The following WDR75 variants were observed in gnomAD, a reference collection of about 807,000 sequenced individuals.
WDR75 encodes the protein WD repeat domain 75.
A neutral mutation model predicts 106.1 loss-of-function variants in WDR75; 52 were observed. That is an observed-to-expected ratio of 0.49 (90% CI 0.39 to 0.62). WDR75 has a LOEUF of 0.62. WDR75 is among the 20% of genes least tolerant of loss of function. The pLI, the probability that WDR75 is intolerant of heterozygous loss-of-function variation, is 0.00. For missense variants in WDR75, 905 were observed against 970.3 expected (o/e 0.93, Z 0.89); for synonymous variants, 333 against 335.5 (o/e 0.99, Z 0.08).
chr2:189,446,451 C>G (rs1686501902), intron 1 of WDR75, among the ~76,000 whole-genome samples: 1 of 152,198 alleles, frequency 6.6e-6, no homozygotes. Context: ...TTATATATCG[C>G]AAATGCTTTG....
intron 18 of WDR75, among the ~76,000 whole-genome samples, chr2:189,473,417 G>C (rs995096033): frequency 1.3e-5 from 2 of 152,072 alleles, no homozygotes; most frequent in African/African-American, 4.8e-5. Flanking sequence ...AAGGTTAGCT[G>C]TATCTTTAGG....
Position 189,466,413 on chromosome 2 carries a change from C to G in WDR75, c.1290-12C>G. 6.2e-7 allele frequency: 1 copy of G among 1,610,634 alleles called. No homozygotes were observed. Among genetic ancestry groups the G allele is most frequent in the Non-Finnish European group, 8.5e-7 (1 of 1,178,378 alleles). On this transcript the variant is annotated splice_polypyrimidine_tract_variant and intron_variant, in intron 12 of 20. Transcript: ENST00000314761. ...TCATGCAAGAATAAATTTGTGGTTT[C>G]CTTCCCGCTAGGTTTATTCTTAACA...
At chr2:189,451,924 G>A (rs769580135) in intron 4 of WDR75, 29 bp downstream of exon 4, 124 of 1,526,742 alleles carry the variant, frequency 8.1e-5, no homozygotes, top group Non-Finnish European at 1.1e-4. Context: ...ACTATATATG[G>A]CATTGAGTGG....
Position 189,462,492 on chromosome 2 carries a change from C to G in WDR75, c.787C>G (p.Leu263Val), listed in dbSNP as rs775844678. 1.4e-5 allele frequency: 23 copies of G among 1,613,552 alleles called. No individual in the cohort carries two copies. Among genetic ancestry groups the G allele is most frequent in the Non-Finnish European group, 1.8e-5 (21 of 1,179,758 alleles). ...CTTGAATGGATATGAAGGCACCAGT[C>G]TGCTGAGTGGCGGTCGTGAATCTGT... Reference protein sequence around the residue: ...DLAFSVTGTSLLSGGRESVLV... With the variant: ...DLAFSVTGTSVLSGGRESVLV... The change falls in exon 9 of 21, where the codon CTG becomes GTG. Residue 263 changes from leucine to valine, a missense_variant. Coordinates refer to ENST00000314761, the MANE Select transcript of WDR75 (RefSeq NM_032168.3).
chr2:189,449,141 A>G, intron 2 of WDR75: 2 of 722,030 alleles, frequency 2.8e-6, no homozygotes, highest in Non-Finnish European at 4.1e-6. Context: ...TGAAATGGTC[A>G]TGTTAATTCT....
At chr2:189,444,118 A>G (rs1452267449) in intron 1 of WDR75, among the ~76,000 whole-genome samples, 2 of 152,086 alleles carry the variant, frequency 1.3e-5, no homozygotes, top group African/African-American at 4.8e-5. Flanking sequence ...TCATCTATAT[A>G]TAAGCTAATA....
Position 189,462,658 on chromosome 2 carries a change from T to C in WDR75, c.937+16T>C. ...TCTGATAATAGTAAGTCTAAATTTT[T>C]TATTATGAGGAAATATATAAACACC... On this transcript the variant is annotated intron_variant, in intron 9 of 20. Coordinates refer to ENST00000314761, the MANE Select transcript of WDR75 (RefSeq NM_032168.3). 1 of 1,611,154 alleles carries C rather than the reference T, an allele frequency of 6.2e-7. No homozygotes were observed. Among genetic ancestry groups the C allele is most frequent in the Non-Finnish European group, 8.5e-7 (1 of 1,178,250 alleles).
chr2:189,465,683 G>A (rs1334371228), intron 12 of WDR75, among the ~76,000 whole-genome samples: 2 of 152,144 alleles, frequency 1.3e-5, no homozygotes, highest in Non-Finnish European at 2.9e-5. Context: ...CCACTTAACA[G>A]ATCTTTGCTG....
At chr2:189,444,384 T>A (rs957034562) in intron 1 of WDR75, among the ~76,000 whole-genome samples, 3 of 152,122 alleles carry the variant, frequency 2.0e-5, no homozygotes, top group Non-Finnish European at 4.4e-5. Flanking sequence ...GGCATGTGGG[T>A]ATACATGTAA....
chr2:189,450,963 ATAAAGG>A lies in WDR75; in HGVS notation c.280_282+3del. 1 of 1,608,218 alleles carries A rather than the reference ATAAAGG, an allele frequency of 6.2e-7. No individual in the cohort carries two copies. Among genetic ancestry groups the A allele is most frequent in the Non-Finnish European group, 8.5e-7 (1 of 1,178,646 alleles). ...GTGGGACTATATAGATGGCATCTTA[ATAAAGG>A]TATGTGGATTGATCTTTACTTTTCG... On this transcript the variant is annotated splice_donor_variant and coding_sequence_variant, in exon 3 of 21. Coordinates refer to ENST00000314761, the MANE Select transcript of WDR75 (RefSeq NM_032168.3). LOFTEE classifies it high-confidence loss of function.
intron 12 of WDR75, among the ~76,000 whole-genome samples, chr2:189,465,986 G>A (rs1428739015): frequency 6.6e-6 from 1 of 152,096 alleles, no homozygotes; most frequent in African/African-American, 2.4e-5. Flanking sequence ...AGTAAATAAT[G>A]ACCAGCCAGT....
At position 189,466,541 on chromosome 2, in the gene WDR75, A is replaced by T; in HGVS notation, c.1406A>T (p.Tyr469Phe). The change falls in exon 13 of 21, where the codon TAC becomes TTC. Residue 469 changes from tyrosine to phenylalanine, a missense_variant. Transcript: ENST00000314761. The stretch of plus-strand genomic sequence containing the variant: ...TTGGTTACAGCTAGCAAAGATGGTT[A>T]CTTCAAAGTATGGATATTAACAGAT... ...PTLVTASKDG[Y>F]FKVWILTDDS... 2 of 1,613,230 alleles carry T rather than the reference A, an allele frequency of 1.2e-6. No homozygotes were observed. Among genetic ancestry groups the T allele is most frequent in the Non-Finnish European group, 1.7e-6 (2 of 1,179,364 alleles).
chr2:189,474,421 T>C, intron 19 of WDR75, 89 bp downstream of exon 19: 4 of 1,427,962 alleles, frequency 2.8e-6, no homozygotes, highest in Non-Finnish European at 3.8e-6. Flanking sequence ...CTGTAATTTG[T>C]ATGCTGTACA....
intron 1 of WDR75, 68 bp from the exon 2 acceptor site, chr2:189,448,311 C>A: frequency 1.4e-6 from 2 of 1,473,684 alleles, no homozygotes; most frequent in Non-Finnish European, 1.8e-6. Flanking sequence ...TGAAAAATGT[C>A]TTTTTCAGCA....
chr2:189,470,857 A>G lies in WDR75; in HGVS notation c.2028A>G (p.Lys676=). 1 of 1,598,612 alleles carries G rather than the reference A, an allele frequency of 6.3e-7. No individual in the cohort carries two copies. Among genetic ancestry groups the G allele is most frequent in the South Asian group, 1.1e-5 (1 of 88,646 alleles). ...TCAGTACAAAGTCTCCAGAAGAAAA[A>G]CTCACACCAACAAGCAAACAGGTAT... ...LTFSTKSPEE[K]LTPTSKQLLA... The change falls in exon 18 of 21, where the codon AAA becomes AAG. Residue 676 remains lysine, a synonymous_variant. Coordinates refer to ENST00000314761, the MANE Select transcript of WDR75 (RefSeq NM_032168.3).
chr2:189,450,269 TAAA>T, intron 2 of WDR75: 1 of 985,662 alleles, frequency 1.0e-6, no homozygotes, highest in Non-Finnish European at 1.2e-6. Flanking sequence ...TCATATAAGG[TAAA>T]AGGAGTTTGG....
intron 7 of WDR75, 120 bp from the exon 8 acceptor site, chr2:189,459,216 G>C (rs1686809666): frequency 6.8e-6 from 5 of 734,870 alleles, no homozygotes; most frequent in Admixed American, 3.4e-5. Flanking sequence ...ATTAAGACCA[G>C]AAGCCTTTAT....
intron 4 of WDR75, among the ~76,000 whole-genome samples, chr2:189,455,064 A>C (rs1342693340): frequency 6.6e-6 from 1 of 151,906 alleles, no homozygotes; most frequent in Non-Finnish European, 1.5e-5. Flanking sequence ...AACATGGTGG[A>C]ACCCCATCGC....
chr2:189,451,909 A>G lies in WDR75; in HGVS notation c.373+14A>G. On this transcript the variant is annotated intron_variant, in intron 4 of 20. Coordinates refer to ENST00000314761, the MANE Select transcript of WDR75 (RefSeq NM_032168.3). Reference sequence around the variant, plus strand: ...AAGAAAAACCAGGTATGGTATAATTAACTTACTATATATGGCATTGAGTGG... The same window carrying G: ...AAGAAAAACCAGGTATGGTATAATTGACTTACTATATATGGCATTGAGTGG... 1 of 1,593,038 alleles carries G rather than the reference A, an allele frequency of 6.3e-7. No individual in the cohort carries two copies.
Sources: allele counts gnomAD v4.1 joint callset (sites outside exome capture counted in the v4.1 genomes callset), GRCh38; gene constraint gnomAD v4.1.1; transcripts MANE v1.5; gene names NCBI Gene and HGNC (gene_info 2026-07-23, HGNC 2026-07-21).